The following ZNF841 variants were observed in gnomAD, a reference collection of about 807,000 sequenced individuals.
ZNF841 encodes the protein TCONS_00006091.
A neutral mutation model predicts 13.0 loss-of-function variants in ZNF841; 11 were observed. The observed-to-expected ratio is 0.85, with a 90% CI of 0.53 to 1.40. The LOEUF is 1.40. ZNF841 is among the 40% of genes most tolerant of loss of function. ZNF841 has a pLI of 0.00. For synonymous variants in ZNF841, 369 were observed against 381.6 expected (o/e 0.97, Z 0.38); for missense variants, 1,068 against 1,139.5 (o/e 0.94, Z 0.90).
At chr19:52,070,427 T>C (rs748622173) in intron 6 of ZNF841, among the ~76,000 whole-genome samples, 6 of 152,032 alleles carry the variant, frequency 3.9e-5, no homozygotes, top group Admixed American at 2.6e-4. Context: ...GCAAGAGAGA[T>C]AGTGAGAAGG....
At chr19:52,085,341 C>A (rs2088235409) in intron 3 of ZNF841, among the ~76,000 whole-genome samples, 1 of 152,146 alleles carries the variant, frequency 6.6e-6, no homozygotes, top group African/African-American at 2.4e-5. Flanking sequence ...GGTAAAAGGG[C>A]ACAAAACGTG....
rs779875311 is a variant in ZNF841, at chr19:52,065,121, C to T, written c.2761G>A (p.Gly921Arg). 1.3e-6 allele frequency: 2 copies of T among 1,525,072 alleles called. No homozygotes were observed. The highest frequency in any genetic ancestry group is 2.8e-5 in the African/African-American group (2 of 71,826). The allele number at this position is 1,525,072 out of a possible 1,614,324, so 94.5% of individuals were successfully genotyped here. Residue 921 changes from glycine to arginine, a missense_variant, in exon 7 of 7, where the codon GGG (glycine) becomes AGG (arginine). Gly to Arg is a moderately radical substitution (Grantham distance 125). Coordinates refer to ENST00000594440, the MANE Select transcript of ZNF841 (RefSeq NM_001136499.2). ...GTAAGTATAAATTATTTGGGGATCC[C>T]AGAGGTTAGGACAACATCTAACGGC... ...ERPLDVVLTS[G>R]IPK
chr19:52,079,719 C>T (rs1212861388), intron 4 of ZNF841, among the ~76,000 whole-genome samples: 5 of 151,930 alleles, frequency 3.3e-5, no homozygotes, highest in African/African-American at 4.8e-5. Context: ...TGGCCGGGCA[C>T]GGTGGCTCAT....
chr19:52,076,159 AGG>A lies in ZNF841; in HGVS notation c.154_155del (p.Pro52Ter), dbSNP rs2087894439. On this transcript the variant is annotated frameshift_variant, in exon 6 of 7. Coordinates refer to ENST00000594440, the MANE Select transcript of ZNF841 (RefSeq NM_001136499.2). LOFTEE classifies it high-confidence loss of function. ...RNLGFLGLCLPDLNIISMLEQ... is the reference protein window; with the variant it reads ...RNLGFLGLCLXDLNIISMLEQ... ...CCAACATGGAGATAATATTCAGGTC[AGG>A]AAGACAGAGTCCTGCTTATAAAAAA... The A allele has an allele frequency of 6.4e-7, 1 of 1,554,260 alleles. No individual in the cohort carries two copies. Among genetic ancestry groups the A allele is most frequent in the South Asian group, 1.2e-5 (1 of 84,248 alleles).
At chr19:52,086,406 C>T (rs2088276805) in intron 3 of ZNF841, among the ~76,000 whole-genome samples, 1 of 152,164 alleles carries the variant, frequency 6.6e-6, no homozygotes, top group Admixed American at 6.5e-5. Flanking sequence ...CCTGCTCCCG[C>T]CATGTGAGAC....
At chr19:52,060,437 C>T (rs376513473), downstream of ZNF841, among the ~76,000 whole-genome samples, 76 of 152,326 alleles carry the variant, frequency 5.0e-4, no homozygotes, top group African/African-American at 1.8e-3. Context: ...GGAAGGTTTC[C>T]GTGTGGAAGT....
Position 52,067,014 on chromosome 19 carries a change from TGTAAGG to T in ZNF841, c.862_867del (p.Pro288_Tyr289del). 6.2e-7 allele frequency: 1 copy of T among 1,614,072 alleles called. No individual in the cohort carries two copies. The highest frequency in any genetic ancestry group is 8.5e-7 in the Non-Finnish European group (1 of 1,179,966). On this transcript the variant is annotated inframe_deletion, in exon 7 of 7. Coordinates refer to ENST00000594440, the MANE Select transcript of ZNF841 (RefSeq NM_001136499.2). ...AAGGCTTTACCAGACTCATTGCATC[TGTAAGG>T]TTTCTCTGTAGTATGTATCATCTGA...
In ZNF841 at chr19:52,066,790, C is replaced by G. The variant is rs1215154413; in HGVS notation, c.1092G>C (p.Gln364His). The change falls in exon 7 of 7, where the codon CAG (glutamine) becomes CAC (histidine). Residue 364 changes from glutamine (Q) to histidine (H), a missense_variant. Physicochemically the swap from Gln to His is conservative, Grantham distance 24. Coordinates refer to ENST00000594440, the MANE Select transcript of ZNF841 (RefSeq NM_001136499.2). ...AAGGTTTCTCTCCAGTATGAATTCT[C>G]TGATGAACTGCAAGGTGGGAACTTT... ...FSKSSHLAVH[Q>H]RIHTGEKPYK... is the part of the protein sequence containing the mutation. 6.2e-7 allele frequency: 1 copy of G among 1,614,008 alleles called. No individual in the cohort carries two copies. Among genetic ancestry groups the G allele is most frequent in the Admixed American group, 1.7e-5 (1 of 59,994 alleles).
At chr19:52,088,791 A>G (rs2088375146) in intron 3 of ZNF841, 146 bp downstream of exon 3, 1 of 152,126 alleles carries the variant, frequency 6.6e-6, no homozygotes, top group Non-Finnish European at 1.5e-5. Context: ...GTTCTGGCAC[A>G]TTTTTCATTG....
intron 6 of ZNF841, among the ~76,000 whole-genome samples, chr19:52,068,499 A>C (rs1472006988): frequency 6.6e-6 from 1 of 152,012 alleles, no homozygotes; most frequent in Non-Finnish European, 1.5e-5. Context: ...ACATGGTGAA[A>C]TCTCGTCTGT....
intron 6 of ZNF841, among the ~76,000 whole-genome samples, chr19:52,069,814 C>A (rs2043298): frequency 0.15 from 22,676 of 152,060 alleles, 2,177 homozygotes; most frequent in East Asian, 0.38. Context: ...GTGAAAAGTC[C>A]ATTTCTGCTG....
chr19:52,061,160 AGTCCTCTTCTCTTTTCCAAACCAC>A (rs1200574360), downstream of ZNF841, among the ~76,000 whole-genome samples: 1 of 152,132 alleles, frequency 6.6e-6, no homozygotes, highest in Middle Eastern at 3.2e-3. Flanking sequence ...CACTTTTCAA[AGTCCTCTTCTCTTTTCCAAACCAC>A]TATGGGCAAC....
At chr19:52,063,359 A>T (rs537670537), downstream of ZNF841, among the ~76,000 whole-genome samples, 15 of 151,258 alleles carry the variant, frequency 9.9e-5, no homozygotes, top group Middle Eastern at 7.0e-3. Flanking sequence ...TGATTTTTTT[A>T]TTTTTTTGAG....
At chr19:52,074,344 G>A (rs2087828877) in intron 6 of ZNF841, among the ~76,000 whole-genome samples, 1 of 152,098 alleles carries the variant, frequency 6.6e-6, no homozygotes, top group South Asian at 2.1e-4. Flanking sequence ...TGCTTAAAAC[G>A]AATTTTGTGG....
chr19:52,089,968 C>T (rs942812741), intron 2 of ZNF841, among the ~76,000 whole-genome samples: 12 of 152,074 alleles, frequency 7.9e-5, no homozygotes, highest in African/African-American at 9.7e-5. Context: ...AACTGAAGGA[C>T]CCTGGGCCTT....
At chr19:52,072,785 C>T (rs1234144238) in intron 6 of ZNF841, among the ~76,000 whole-genome samples, 1 of 152,174 alleles carries the variant, frequency 6.6e-6, no homozygotes, top group Non-Finnish European at 1.5e-5. Context: ...CACCACTGCA[C>T]TCCAGCCTGG....
chr19:52,085,784 G>T (rs2088253723), intron 3 of ZNF841, among the ~76,000 whole-genome samples: 1 of 152,198 alleles, frequency 6.6e-6, no homozygotes, highest in Admixed American at 6.5e-5. Flanking sequence ...GGTCAGAGAG[G>T]TTCTGGGGAG....
chr19:52,065,234 C>G lies in ZNF841; in HGVS notation c.2648G>C (p.Gly883Ala), dbSNP rs2087503823. 1.9e-6 allele frequency: 3 copies of G among 1,613,554 alleles called. No individual in the cohort carries two copies. Residue 883 changes from glycine to alanine, a missense_variant, in exon 7 of 7, where the codon GGC (glycine) becomes GCC (alanine). Transcript: ENST00000594440. The stretch of plus-strand genomic sequence containing the variant: ...GCCTGAGCGACTAATGTAAGATTTG[C>G]CACACTCATTACATTTATAAGGTTT... ...SEKPYKCNECGKSYISRSGLT... is the reference protein window; with the variant it reads ...SEKPYKCNECAKSYISRSGLT...
chr19:52,074,334 T>TCA (rs1400182136), intron 6 of ZNF841, among the ~76,000 whole-genome samples: 22 of 152,362 alleles, frequency 1.4e-4, no homozygotes, highest in African/African-American at 5.3e-4. Context: ...AAGCAATGGT[T>TCA]GCTTAAAACG....
Sources: allele counts gnomAD v4.1 joint callset (sites outside exome capture counted in the v4.1 genomes callset), GRCh38; gene constraint gnomAD v4.1.1; transcripts MANE v1.5; gene names NCBI Gene and HGNC (gene_info 2026-07-23, HGNC 2026-07-21).